Variants in PTCH1 observed in about 807,000 individuals in gnomAD.
PTCH1 encodes protein patched homolog 1.
In PTCH1, 14 loss-of-function variants were observed where a neutral mutation model predicts 144.6. The observed-to-expected ratio is 0.10, with a 90% CI of 0.06 to 0.15. The LOEUF (loss-of-function observed/expected upper bound fraction) is 0.15, where lower values mean the gene tolerates loss of function less well. Ranked by LOEUF, PTCH1 falls within the 10% of genes least tolerant of loss-of-function variation. The pLI is 1.00. For missense variants in PTCH1, 1,623 were observed against 1,948.3 expected, an observed-to-expected ratio of 0.83 and a Z score of 3.14; for synonymous variants, 833 against 793.6, an observed-to-expected ratio of 1.05 and a Z score of -0.83.
intron 1 of PTCH1, among the ~76,000 whole-genome samples, chr9:95,515,876 C>T (rs561564303): frequency 1.3e-5 from 2 of 152,290 alleles, no homozygotes; most frequent in East Asian, 1.9e-4. Flanking sequence ...GTCCCGCACC[C>T]CTAGGCGTGC....
At chr9:95,511,308 TCCCTCCCTCAATCTC>T (rs1343601846), upstream of PTCH1, among the ~76,000 whole-genome samples, 4 of 150,262 alleles carry the variant, frequency 2.7e-5, no homozygotes, top group African/African-American at 7.3e-5. Flanking sequence ...CTCGCCCCGC[TCCCTCCCTCAATCTC>T]CCCTCCCCCA....
intron 2 of PTCH1, among the ~76,000 whole-genome samples, chr9:95,488,204 T>C (rs979158541): frequency 1.3e-5 from 2 of 152,208 alleles, no homozygotes; most frequent in African/African-American, 4.8e-5. Flanking sequence ...GTCCCCTTTT[T>C]AGATGTTTTA....
rs1837862662 is a variant in PTCH1, at chr9:95,446,178, T to C, written c.*215A>G. ...AAGCCCCAGATCATACCACTTTACATCCTTCCTTCCTATATTACACATGTG... is the reference window on the plus strand; with the variant it reads ...AAGCCCCAGATCATACCACTTTACACCCTTCCTTCCTATATTACACATGTG... On this transcript the variant is annotated 3_prime_UTR_variant, in exon 24 of 24. Coordinates refer to ENST00000331920, the MANE Select transcript of PTCH1 (RefSeq NM_000264.5). The C allele has an allele frequency of 2.9e-6, 1 of 346,184 alleles. No homozygotes were observed. The highest frequency in any genetic ancestry group is 5.7e-6 in the Non-Finnish European group (1 of 175,578). 21.4% of individuals were successfully genotyped at this position (346,184 alleles called of 1,614,324 possible).
Position 95,469,866 on chromosome 9 carries a change from C to T in PTCH1, c.1794G>A (p.Met598Ile). ...VLLIFPAILS[M>I]DLYRREDRRL... ...TCCTGTCCTCGCGTCGATATAAATC[C>T]ATGCTGAGAATTGCAGGAAAAATGA... is the stretch of plus-strand genomic sequence containing the variant. The change falls in exon 13 of 24, where the codon ATG becomes ATA. Residue 598 changes from methionine to isoleucine, a missense_variant. Coordinates refer to ENST00000331920, the MANE Select transcript of PTCH1 (RefSeq NM_000264.5). 6.2e-7 allele frequency: 1 copy of T among 1,614,132 alleles called. No individual in the cohort carries two copies. The highest frequency in any genetic ancestry group is 1.1e-5 in the South Asian group (1 of 91,068).
chr9:95,498,425 A>G (rs1842928880), intron 2 of PTCH1, among the ~76,000 whole-genome samples: 1 of 152,164 alleles, frequency 6.6e-6, no homozygotes, highest in Non-Finnish European at 1.5e-5. Flanking sequence ...ACTGCCCACC[A>G]ACAATACAGT....
At position 95,506,582 on chromosome 9, in the gene PTCH1, C is replaced by G. The variant is rs944623019; in HGVS notation, c.219G>C (p.Arg73=). The G allele has an allele frequency of 1.2e-6, 2 of 1,612,450 alleles. No individual in the cohort carries two copies. The highest frequency in any genetic ancestry group is 1.7e-6 in the Non-Finnish European group (2 of 1,179,318). The change falls in exon 2 of 24, where the codon CGG becomes CGC. Residue 73 remains arginine, a synonymous_variant. Coordinates refer to ENST00000331920, the MANE Select transcript of PTCH1 (RefSeq NM_000264.5). Reference sequence around the variant, plus strand: ...TCGCTCTCAGCCACAGCGGCGCTTTCCGGCCAGTAGCCTTCCCCTGGGGAC... The same window carrying G: ...TCGCTCTCAGCCACAGCGGCGCTTTGCGGCCAGTAGCCTTCCCCTGGGGAC... The part of the protein sequence containing the change: ...EQISKGKATG[R]KAPLWLRAKF...
chr9:95,507,824 T>TGCC (rs1423373850), intron 1 of PTCH1: 2 of 816,106 alleles, frequency 2.5e-6, no homozygotes, highest in East Asian at 1.1e-4. Flanking sequence ...GGCAGGACAG[T>TGCC]GCCGCGGCCG....
chr9:95,507,025 C>G (rs1053850102), intron 1 of PTCH1: 4 of 989,896 alleles, frequency 4.0e-6, no homozygotes, highest in Non-Finnish European at 4.8e-6. Flanking sequence ...CTGTCCATCA[C>G]CCTCGGGGAC....
chr9:95,515,903 G>A (rs972133670), intron 1 of PTCH1, among the ~76,000 whole-genome samples: 5 of 152,238 alleles, frequency 3.3e-5, no homozygotes, highest in African/African-American at 1.2e-4. Context: ...GCTCGAGAGC[G>A]GGTCTGCGGG....
At position 95,459,963 on chromosome 9, in the gene PTCH1, G is replaced by A. The variant is rs543247775; in HGVS notation, c.2704-180C>T. 3.2e-4 allele frequency: 226 copies of A among 706,184 alleles called. No homozygotes were observed. The South Asian group carries it at 3.5e-3, about 11-fold the overall frequency. The allele number at this position is 706,184 out of a possible 1,614,324, so 43.7% of individuals were successfully genotyped here. On this transcript the variant is annotated intron_variant, in intron 16 of 23. Coordinates refer to ENST00000331920, the MANE Select transcript of PTCH1 (RefSeq NM_000264.5). ...TGATTTCTTTCAATGTGCACTTATCGGAGGATGCAATCACTGGCGTGTTTA... is the reference window on the plus strand; with the variant it reads ...TGATTTCTTTCAATGTGCACTTATCAGAGGATGCAATCACTGGCGTGTTTA...
At position 95,468,708 on chromosome 9, in the gene PTCH1, A is replaced by AT. The variant is rs755594428; in HGVS notation, c.2250+42dup. The AT allele has an allele frequency of 8.1e-6, 13 of 1,603,896 alleles. No individual in the cohort carries two copies. Among genetic ancestry groups the AT allele is most frequent in the South Asian group, 1.1e-5 (1 of 90,456 alleles). ...TCTGATGAACTCCAAAGGTTCTGTT[A>AT]TTTTTTTGAAGACAGGAAGAGCCTT... is the stretch of plus-strand genomic sequence containing the variant. On this transcript the variant is annotated intron_variant, in intron 14 of 23. Transcript: ENST00000331920.
rs1837696540 is a variant in PTCH1 at position 95,444,279 on chromosome 9, G to C, written c.*2114C>G. ...AAGTTCTACACCATGCAGAAATCAG[G>C]GGCCGCGCAGCCTCCGGCGCAACAC... On this transcript the variant is annotated 3_prime_UTR_variant, in exon 24 of 24. Transcript: ENST00000331920. 1 of 151,324 alleles carries C rather than the reference G, an allele frequency of 6.6e-6. No individual in the cohort carries two copies. Among genetic ancestry groups the C allele is most frequent in the Non-Finnish European group, 1.5e-5 (1 of 67,940 alleles). The allele number at this position is 151,324 out of a possible 1,614,324, so 9.4% of individuals were successfully genotyped here. A position where few individuals can be genotyped will look rare whatever the true frequency, so the allele number is the denominator to read the frequency against.
In PTCH1 at chr9:95,468,752, T is replaced by C. The variant is rs2118020900; in HGVS notation, c.2249A>G (p.Lys750Arg). The C allele has an allele frequency of 6.2e-7, 1 of 1,614,114 alleles. No individual in the cohort carries two copies. The highest frequency in any genetic ancestry group is 1.3e-5 in the African/African-American group (1 of 75,042). The change falls in exon 14 of 24, where the codon AAG becomes AGG. Residue 750 changes from lysine (K) to arginine (R), a missense_variant and splice_region_variant. Around this residue, in one of 7 missense-constraint regions of PTCH1, gnomAD observed 504 missense variants for 679.3 expected, o/e 0.74. Transcript: ENST00000331920. ...YAPFLLKPKA[K>R]VVVIFLFLGL... ...GAGCCTTAAGTTGTGGCAGATTACC[T>C]TGGCTTTTGGTTTCAAGAGGAAAGG...
intron 6 of PTCH1, 123 bp downstream of exon 6, chr9:95,480,267 A>G: frequency 6.5e-7 from 1 of 1,533,734 alleles, no homozygotes; most frequent in South Asian, 1.2e-5. Flanking sequence ...ACTTAGTTCC[A>G]TAGACAAAGA....
chr9:95,480,350 G>C (rs1236052563), intron 6 of PTCH1, 40 bp downstream of exon 6: 7 of 1,604,564 alleles, frequency 4.4e-6, no homozygotes, highest in Non-Finnish European at 5.1e-6. Context: ...AAAGTGTTTT[G>C]CTCTCCACCC....
At position 95,467,497 on chromosome 9, in the gene PTCH1, C is replaced by T. The variant is rs1281351652; in HGVS notation, c.2251-72G>A. Reference sequence around the variant, plus strand: ...CTCTTCCTGGACAAAGAGAAGCTGTCTAGTTAATACCTTGTTTTCACCACC... The same window carrying T: ...CTCTTCCTGGACAAAGAGAAGCTGTTTAGTTAATACCTTGTTTTCACCACC... On this transcript the variant is annotated intron_variant, in intron 14 of 23. Transcript: ENST00000331920. 7.5e-6 allele frequency: 11 copies of T among 1,472,808 alleles called. No homozygotes were observed. The African/African-American group carries it at 1.4e-4, about 19-fold the overall frequency. The allele number at this position is 1,472,808 out of a possible 1,614,324, so 91.2% of individuals were successfully genotyped here. A position where few individuals can be genotyped will look rare whatever the true frequency, so the allele number is the denominator to read the frequency against.
intron 18 of PTCH1, among the ~76,000 whole-genome samples, chr9:95,456,718 C>A (rs1227612366): frequency 6.6e-6 from 1 of 152,096 alleles, no homozygotes; most frequent in African/African-American, 2.4e-5. Flanking sequence ...GCGCAATCCA[C>A]GAGGAATTGC....
Position 95,467,165 on chromosome 9 carries a change from G to T in PTCH1, c.2511C>A (p.Asn837Lys), listed in dbSNP as rs1588568559. 1 of 1,614,228 alleles carries T rather than the reference G, an allele frequency of 6.2e-7. No individual in the cohort carries two copies. The highest frequency in any genetic ancestry group is 8.5e-7 in the Non-Finnish European group (1 of 1,180,046). ...GCAGCCACATTTTGGGAAGCTGTTT[G>T]TTTTCTTCCAACATGACATACTTCA... ...SNVKYVMLEENKQLPKMWLHY... is the reference protein window; with the variant it reads ...SNVKYVMLEEKKQLPKMWLHY... Residue 837 changes from asparagine (N) to lysine (K), a missense_variant, in exon 15 of 24, where the codon AAC (asparagine) becomes AAA (lysine). Coordinates refer to ENST00000331920, the MANE Select transcript of PTCH1 (RefSeq NM_000264.5).
intron 7 of PTCH1, among the ~76,000 whole-genome samples, chr9:95,479,483 T>C (rs1243492310): frequency 6.6e-6 from 1 of 152,198 alleles, no homozygotes; most frequent in African/African-American, 2.4e-5. Flanking sequence ...ATACTTGCTG[T>C]GCAGAAATCC....
Sources: gnomAD v4.1 joint callset for allele counts (sites outside exome capture counted in the v4.1 genomes callset) on GRCh38, gnomAD v4.1.1 for gene constraint, gnomAD v4.1.1 regional missense constraint, MANE v1.5 for transcripts, NCBI Gene and HGNC (gene_info 2026-07-23, HGNC 2026-07-21) for gene names.